The following SLC7A5 variants were observed in gnomAD, a reference collection of about 807,000 sequenced individuals.
SLC7A5 encodes large neutral amino acids transporter small subunit 1.
In SLC7A5, 23 loss-of-function variants were observed where a neutral mutation model predicts 50.2. The ratio of observed to expected loss-of-function variants is 0.46; its 90% confidence interval spans 0.33 to 0.65. The LOEUF (loss-of-function observed/expected upper bound fraction) is 0.65, where lower values mean the gene tolerates loss of function less well. SLC7A5 is among the 30% of genes least tolerant of loss of function. The pLI is 0.02. For missense variants in SLC7A5, 578 were observed against 684.4 expected (o/e 0.84, Z 1.73); for synonymous variants, 393 against 330.6 (o/e 1.19, Z -2.05).
Position 87,860,400 on chromosome 16 carries a change from A to T in SLC7A5, c.538+8485T>A, listed in dbSNP as rs1236272815. Among the ~76,000 whole-genome samples, 76 of 108,914 alleles carry T rather than the reference A, an allele frequency of 7.0e-4. 2 individuals carry two copies. The highest frequency in any genetic ancestry group is 1.2e-3 in the Non-Finnish European group (64 of 53,156). 71.5% of individuals were successfully genotyped at this position (108,914 alleles called of 152,430 possible). A position where few individuals can be genotyped will look rare whatever the true frequency, so the allele number is the denominator to read the frequency against. ...CACACACACACACACACACACACAC[A>T]TATATATATAAAGAAAAAGGAAATC... On this transcript the variant is annotated intron_variant, in intron 1 of 9. Coordinates refer to ENST00000261622, the MANE Select transcript of SLC7A5 (RefSeq NM_003486.7). The surrounding 1 kb of genome is among the most constrained non-coding windows in gnomAD (Gnocchi z 4.8).
intron 2 of SLC7A5, among the ~76,000 whole-genome samples, chr16:87,842,769 T>C (rs34508683): frequency 0.37 from 55,534 of 152,090 alleles, 11,926 homozygotes; most frequent in African/African-American, 0.59. Flanking sequence ...TGTGATGTAT[T>C]CTGGTCACCA....
chr16:87,832,985 G>A lies in SLC7A5; in HGVS notation c.1509C>T (p.Val503=), dbSNP rs201634931. Residue 503 remains valine (V), a synonymous_variant, in exon 10 of 10, where the codon GTC becomes GTT. Transcript: ENST00000261622. The surrounding 1 kb of genome is among the most constrained non-coding windows in gnomAD (Gnocchi z 4.6). ...GGCCTCCTGGCTATGTCTCCTGGGG[G>A]ACCACCTGCATGAGCTTCTGACACA... The part of the protein sequence containing the change: ...TVLCQKLMQV[V]PQET The A allele has an allele frequency of 1.9e-6, 3 of 1,613,840 alleles. No individual in the cohort carries two copies. Among genetic ancestry groups the A allele is most frequent in the East Asian group, 2.2e-5 (1 of 44,854 alleles).
chr16:87,846,397 T>G (rs927852345), intron 2 of SLC7A5, among the ~76,000 whole-genome samples: 1 of 152,254 alleles, frequency 6.6e-6, no homozygotes, highest in Non-Finnish European at 1.5e-5. Flanking sequence ...TTTGAGGCCC[T>G]GGGGCTTGCC....
chr16:87,865,104 A>G (rs2055444063), intron 1 of SLC7A5, among the ~76,000 whole-genome samples: 1 of 152,144 alleles, frequency 6.6e-6, no homozygotes. Flanking sequence ...TGTTCAGAGA[A>G]CACAGCTTCT....
In SLC7A5 at chr16:87,861,438, G is replaced by A. The variant is rs746349732; in HGVS notation, c.538+7447C>T. ...GGCTTTGTGCTCCCCTATGCCTGATGACAAATGGTGGCCTCAGTGTAGAGG... is the reference window on the plus strand; with the variant it reads ...GGCTTTGTGCTCCCCTATGCCTGATAACAAATGGTGGCCTCAGTGTAGAGG... On this transcript the variant is annotated intron_variant, in intron 1 of 9. Coordinates refer to ENST00000261622, the MANE Select transcript of SLC7A5 (RefSeq NM_003486.7). The surrounding 1 kb of genome is among the most constrained non-coding windows in gnomAD (Gnocchi z 4.2). Among the ~76,000 whole-genome samples the A allele has an allele frequency of 2.6e-5, 4 of 152,178 alleles. No homozygotes were observed. The highest frequency in any genetic ancestry group is 4.4e-5 in the Non-Finnish European group (3 of 68,024).
In SLC7A5 at chr16:87,834,621, C is replaced by T. The variant is rs754179108; in HGVS notation, c.1291-30G>A. 8 of 1,562,334 alleles carry T rather than the reference C, an allele frequency of 5.1e-6. No homozygotes were observed. In the South Asian group the frequency reaches 8.2e-5, roughly 16 times the overall value. On this transcript the variant is annotated intron_variant, in intron 8 of 9. Coordinates refer to ENST00000261622, the MANE Select transcript of SLC7A5 (RefSeq NM_003486.7). ...GGCAGAGGACAGGGCCTGGGTGAGC[C>T]CTCTCCTGTCCAGCCTCCCTCCCCC...
chr16:87,837,982 C>G, intron 6 of SLC7A5, 41 bp from the exon 7 acceptor site: 1 of 1,446,594 alleles, frequency 6.9e-7, no homozygotes, highest in Non-Finnish European at 9.6e-7. Context: ...CACCGCCCCA[C>G]AACTCAGCAC....
At position 87,851,716 on chromosome 16, in the gene SLC7A5, G is replaced by C. The variant is rs201430228; in HGVS notation, c.664+8C>G. 1.1e-5 allele frequency: 18 copies of C among 1,610,036 alleles called. No homozygotes were observed. The highest frequency in any genetic ancestry group is 1.7e-5 in the Admixed American group (1 of 59,936). On this transcript the variant is annotated splice_region_variant and intron_variant, in intron 2 of 9. Transcript: ENST00000261622. ...GGGCCGCCGGTGGGGCCTGGGGGAC[G>C]TACTCACCCTTCCCGATCTGGACGA...
rs145870103 is a variant in SLC7A5 at position 87,853,939 on chromosome 16, TG to T, written c.539-2091del. On this transcript the variant is annotated intron_variant, in intron 1 of 9. Coordinates refer to ENST00000261622, the MANE Select transcript of SLC7A5 (RefSeq NM_003486.7). This position sits in a 1 kb window ranked among gnomAD's most constrained non-coding sequence, Gnocchi z 4.4. ...GCGGCTGTCACGTCTGCTAGGGGGT[TG>T]GGGGGTCCAGGAAGGGCAGCGAGTT... 0.053 allele frequency: 8,017 copies of T among 152,462 alleles called. 631 individuals carry two copies. The highest frequency in any genetic ancestry group is 0.18 in the African/African-American group (7,304 of 41,350). 9.4% of individuals were successfully genotyped at this position (152,462 alleles called of 1,614,324 possible).
At position 87,832,796 on chromosome 16, in the gene SLC7A5, A is replaced by G; in HGVS notation, c.*174T>C. The G allele has an allele frequency of 1.5e-6, 1 of 659,320 alleles. No individual in the cohort carries two copies. The allele number at this position is 659,320 out of a possible 1,614,324, so 40.8% of individuals were successfully genotyped here. A position where few individuals can be genotyped will look rare whatever the true frequency, so the allele number is the denominator to read the frequency against. ...GTCCCTGGCCCTCAGTTGAGGGATG[A>G]GATTCGTACCAGAGTTTTCACAGCA... On this transcript the variant is annotated 3_prime_UTR_variant, in exon 10 of 10. Transcript: ENST00000261622. This position sits in a 1 kb window ranked among gnomAD's most constrained non-coding sequence, Gnocchi z 4.6.
At chr16:87,837,766 C>T in intron 7 of SLC7A5, 79 bp downstream of exon 7, 1 of 1,188,156 alleles carries the variant, frequency 8.4e-7, no homozygotes, top group Non-Finnish European at 1.2e-6. Context: ...GACAGAGCTG[C>T]AAGCTGTGGC....
intron 1 of SLC7A5, among the ~76,000 whole-genome samples, chr16:87,855,413 G>A (rs1456239247): frequency 2.0e-5 from 3 of 152,062 alleles, no homozygotes; most frequent in South Asian, 2.1e-4. Context: ...CGGGACAGGT[G>A]CATACCGCTG....
At chr16:87,834,139 T>C (rs2054966720) in intron 9 of SLC7A5, among the ~76,000 whole-genome samples, 1 of 152,196 alleles carries the variant, frequency 6.6e-6, no homozygotes, top group Non-Finnish European at 1.5e-5. Flanking sequence ...AAGTCTGCTG[T>C]GTCCGCTGGT....
intron 8 of SLC7A5, among the ~76,000 whole-genome samples, chr16:87,835,599 G>A (rs555767528): frequency 1.6e-4 from 24 of 152,248 alleles, no homozygotes; most frequent in Admixed American, 2.0e-4. Context: ...TCCACCTCCC[G>A]AGTAGCTGCA....
chr16:87,854,984 C>A (rs115675898), intron 1 of SLC7A5, among the ~76,000 whole-genome samples: 2 of 152,208 alleles, frequency 1.3e-5, no homozygotes, highest in East Asian at 1.9e-4. Context: ...GCCCACAGCC[C>A]GGTGAAGGAA....
At chr16:87,845,465 A>G (rs1356694204) in intron 2 of SLC7A5, among the ~76,000 whole-genome samples, 2 of 148,952 alleles carry the variant, frequency 1.3e-5, no homozygotes, top group East Asian at 2.0e-4. Context: ...CTCCAGGCAG[A>G]GTCCACGCCC....
rs563698488 is a variant in SLC7A5 at position 87,858,615 on chromosome 16, T to G, written c.539-6766A>C. ...CCACTTGGTGAAAGTCACACAGCAG[T>G]TCCTGGGCGGCAAAGTGAGGACATC... On this transcript the variant is annotated intron_variant, in intron 1 of 9. Transcript: ENST00000261622. 1.6e-4 allele frequency among the ~76,000 whole-genome samples: 25 copies of G among 152,174 alleles called. No individual in the cohort carries two copies. The South Asian group carries it at 5.2e-3, about 32-fold the overall frequency.
chr16:87,869,455 G>A lies in SLC7A5; in HGVS notation c.-33C>T, dbSNP rs1207104338. The A allele has an allele frequency of 1.0e-5, 14 of 1,348,706 alleles. No individual in the cohort carries two copies. The highest frequency in any genetic ancestry group is 7.3e-5 in the South Asian group (4 of 54,458). 83.5% of individuals were successfully genotyped at this position (1,348,706 alleles called of 1,614,324 possible). The stretch of plus-strand genomic sequence containing the variant: ...GCACCGGCCGGGCCTGGGACACCCG[G>A]GAGCCGCGGCCCAGCGAGCAGTGTG... On this transcript the variant is annotated 5_prime_UTR_variant, in exon 1 of 10. Transcript: ENST00000261622.
chr16:87,852,000 AG>A, intron 1 of SLC7A5, 151 bp from the exon 2 acceptor site: 10 of 884,418 alleles, frequency 1.1e-5, no homozygotes, highest in Non-Finnish European at 1.6e-5. Flanking sequence ...GCCAGCCCTT[AG>A]GGCACGTTCT....
Sources: gnomAD v4.1 joint callset for allele counts (sites outside exome capture counted in the v4.1 genomes callset) on GRCh38, gnomAD v4.1.1 for gene constraint, Gnocchi (gnomAD v3.1) non-coding constraint, MANE v1.5 for transcripts, NCBI Gene and HGNC (gene_info 2026-07-23, HGNC 2026-07-21) for gene names.